The following KRT75 variants were observed in gnomAD, a reference collection of about 807,000 sequenced individuals.
KRT75 encodes keratin, type II cytoskeletal 75.
KRT75 carries 35 observed loss-of-function variants against 48.8 expected under a neutral mutation model. That is an observed-to-expected ratio of 0.72 (90% confidence interval 0.55 to 0.95). The LOEUF (loss-of-function observed/expected upper bound fraction) is 0.95. KRT75 is among the 40% of genes least tolerant of loss of function. The probability of loss-of-function intolerance (pLI) is 0.00; values close to 1 mark genes in which losing one functional copy is unlikely to be tolerated. For missense variants in KRT75, 776 were observed against 709.9 expected (o/e 1.09, Z -1.06); for synonymous variants, 301 against 282.3 (o/e 1.07, Z -0.66).
intron 8 of KRT75, among the ~76,000 whole-genome samples, chr12:52,425,596 A>T (rs922179841): frequency 2.6e-5 from 4 of 152,216 alleles, no homozygotes; most frequent in African/African-American, 9.6e-5. Context: ...GAGTGGAGGG[A>T]TGCAGCCACA....
intron 2 of KRT75, 92 bp from the exon 3 acceptor site, chr12:52,432,158 AT>A: frequency 7.9e-7 from 1 of 1,263,256 alleles, no homozygotes; most frequent in Non-Finnish European, 1.2e-6. Flanking sequence ...CCCTCAAATC[AT>A]TTCCAGCTCT....
chr12:52,428,353 G>C lies in KRT75; in HGVS notation c.1285C>G (p.Arg429Gly). The part of the protein sequence containing the change: ...ALQKAKQDMA[R>G]LLREYQELMN... Reference sequence around the variant, plus strand: ...AGCTCCTGGTACTCACGCAGGAGCCGAGCCATGTCCTGCTTGGCCTTCTGC... The same window carrying C: ...AGCTCCTGGTACTCACGCAGGAGCCCAGCCATGTCCTGCTTGGCCTTCTGC... The change falls in exon 7 of 9, where the codon CGG (arginine) becomes GGG (glycine). Residue 429 changes from arginine to glycine, a missense_variant. Arg to Gly is a moderately radical substitution (Grantham distance 125, BLOSUM62 -2). Transcript: ENST00000252245. 6.2e-7 allele frequency: 1 copy of C among 1,614,138 alleles called. No individual in the cohort carries two copies. The highest frequency in any genetic ancestry group is 1.1e-5 in the South Asian group (1 of 91,078).
chr12:52,434,342 G>A lies in KRT75; in HGVS notation c.-38C>T. 6.4e-7 allele frequency: 1 copy of A among 1,568,744 alleles called. No homozygotes were observed. Among genetic ancestry groups the A allele is most frequent in the African/African-American group, 1.3e-5 (1 of 74,304 alleles). ...AGGCCGGCGAGAAGGCACCTGAGGTGGGCTGGTACAGGCAGTGGAGAAGAC... is the reference window on the plus strand; with the variant it reads ...AGGCCGGCGAGAAGGCACCTGAGGTAGGCTGGTACAGGCAGTGGAGAAGAC... On this transcript the variant is annotated 5_prime_UTR_variant, in exon 1 of 9. Coordinates refer to ENST00000252245, the MANE Select transcript of KRT75 (RefSeq NM_004693.3).
chr12:52,433,273 T>C, intron 1 of KRT75, 21 bp from the exon 2 acceptor site: 1 of 1,603,280 alleles, frequency 6.2e-7, no homozygotes, highest in Non-Finnish European at 8.5e-7. Flanking sequence ...GAAGAGAGAA[T>C]GAAACCTTGA....
chr12:52,431,906 T>C (rs540561866), intron 3 of KRT75, 100 bp downstream of exon 3: 2 of 1,095,768 alleles, frequency 1.8e-6, no homozygotes, highest in East Asian at 2.4e-5. Flanking sequence ...TCAAGGTTGA[T>C]GTGACATTTC....
Position 52,428,269 on chromosome 12 carries a change from C to G in KRT75, c.1369G>C (p.Gly457Arg). ...CATCTGCCTCACCTGCACTCCTCGC[C>G]TTCCAGCAGCTTGCGGTAGGTGGCG... ...EIATYRKLLE[G>R]EECRLSGEGV... Residue 457 changes from glycine (G) to arginine (R), a missense_variant, in exon 7 of 9, where the codon GGC (glycine) becomes CGC (arginine). Coordinates refer to ENST00000252245, the MANE Select transcript of KRT75 (RefSeq NM_004693.3). 6.2e-7 allele frequency: 1 copy of G among 1,614,074 alleles called. No individual in the cohort carries two copies. The highest frequency in any genetic ancestry group is 8.5e-7 in the Non-Finnish European group (1 of 1,180,044).
At chr12:52,427,842 T>C (rs999970445) in intron 7 of KRT75, among the ~76,000 whole-genome samples, 2 of 152,154 alleles carry the variant, frequency 1.3e-5, no homozygotes, top group African/African-American at 4.8e-5. Context: ...ACCTTTTCAT[T>C]TTATCATTGA....
At chr12:52,425,442 A>G (rs1940065232) in intron 8 of KRT75, among the ~76,000 whole-genome samples, 1 of 152,200 alleles carries the variant, frequency 6.6e-6, no homozygotes, top group South Asian at 2.1e-4. Context: ...TGGAAATGGG[A>G]TCGTTGCAGG....
chr12:52,432,182 G>T, intron 2 of KRT75, 116 bp from the exon 3 acceptor site: 1 of 971,024 alleles, frequency 1.0e-6, no homozygotes. Flanking sequence ...TGCTGACCTG[G>T]GCATGACTTT....
chr12:52,428,052 A>G (rs747060014), intron 7 of KRT75: 7 of 670,292 alleles, frequency 1.0e-5, no homozygotes, highest in Admixed American at 7.4e-5. Context: ...TTAGGTTTCT[A>G]TGGGGATGCT....
chr12:52,431,912 A>G lies in KRT75; in HGVS notation c.774+94T>C. Reference sequence around the variant, plus strand: ...CAGATATTCTCAAGGTTGATGTGACATTTCTTGGGTGGCCCAAGGGTCAGA... The same window carrying G: ...CAGATATTCTCAAGGTTGATGTGACGTTTCTTGGGTGGCCCAAGGGTCAGA... On this transcript the variant is annotated intron_variant, in intron 3 of 8. Transcript: ENST00000252245. The G allele has an allele frequency of 4.2e-6, 5 of 1,203,286 alleles. No individual in the cohort carries two copies. The South Asian group carries it at 6.1e-5, about 15-fold the overall frequency. The allele number at this position is 1,203,286 out of a possible 1,614,324, so 74.5% of individuals were successfully genotyped here.
At position 52,431,524 on chromosome 12, in the gene KRT75, A is replaced by T; in HGVS notation, c.870+19T>A. The T allele has an allele frequency of 6.5e-7, 1 of 1,544,064 alleles. No individual in the cohort carries two copies. Among genetic ancestry groups the T allele is most frequent in the Non-Finnish European group, 9.0e-7 (1 of 1,116,024 alleles). On this transcript the variant is annotated intron_variant, in intron 4 of 8. Transcript: ENST00000252245. Reference sequence around the variant, plus strand: ...AGGCTCCAGACCTAGGAGAGACAGAAATACTTGCAGACTCTTACTGCATCA... The same window carrying T: ...AGGCTCCAGACCTAGGAGAGACAGATATACTTGCAGACTCTTACTGCATCA...
chr12:52,424,877 G>A, intron 8 of KRT75, 122 bp from the exon 9 acceptor site: 1 of 795,402 alleles, frequency 1.3e-6, no homozygotes, highest in Non-Finnish European at 2.2e-6. Context: ...CCAGCAGTTT[G>A]CCTCCTTCCA....
In KRT75 at chr12:52,430,848, A is replaced by T. The variant is rs956168996; in HGVS notation, c.871-143T>A. On this transcript the variant is annotated intron_variant, in intron 4 of 8. Transcript: ENST00000252245. ...AGCTATTCCCTAGGTATTCCCATTC[A>T]TCCCAAAAGATCAGTGTGGTGAAAA... 12 of 922,044 alleles carry T rather than the reference A, an allele frequency of 1.3e-5. No individual in the cohort carries two copies. The Admixed American group carries it at 2.3e-4, about 18-fold the overall frequency. The allele number at this position is 922,044 out of a possible 1,614,324, so 57.1% of individuals were successfully genotyped here. A position where few individuals can be genotyped will look rare whatever the true frequency, so the allele number is the denominator to read the frequency against.
chr12:52,434,224 A>C lies in KRT75; in HGVS notation c.81T>G (p.Ala27=). ...FSTTSAITPA[A]GRSRFSSVSV... The stretch of plus-strand genomic sequence containing the variant: ...AGACAGAGCTGAAGCGGGAGCGGCC[A>C]GCTGCCGGGGTGATGGCCGAGGTGG... The change falls in exon 1 of 9, where the codon GCT becomes GCG. Residue 27 remains alanine, a synonymous_variant. Coordinates refer to ENST00000252245, the MANE Select transcript of KRT75 (RefSeq NM_004693.3). 1 of 1,595,180 alleles carries C rather than the reference A, an allele frequency of 6.3e-7. No homozygotes were observed.
chr12:52,433,342 T>C, intron 1 of KRT75, 90 bp from the exon 2 acceptor site: 1 of 1,152,104 alleles, frequency 8.7e-7, no homozygotes, highest in Non-Finnish European at 1.3e-6. Flanking sequence ...AAAAAGATAT[T>C]TTTTTCACTT....
In KRT75 at chr12:52,431,610, A is replaced by T; in HGVS notation, c.803T>A (p.Val268Glu). 6.2e-7 allele frequency: 1 copy of T among 1,613,986 alleles called. No individual in the cohort carries two copies. The highest frequency in any genetic ancestry group is 8.5e-7 in the Non-Finnish European group (1 of 1,179,852). Residue 268 changes from valine to glutamate, a missense_variant, in exon 4 of 9, where the codon GTG becomes GAG. By Grantham distance (121) the Val-to-Glu change is moderately radical (BLOSUM62 -2). Coordinates refer to ENST00000252245, the MANE Select transcript of KRT75 (RefSeq NM_004693.3). ...KDVDAAYMNK[V>E]ELEAKVKSLP... ...AGATTTGACCTTGGCTTCCAGCTCCACCTTGTTCATATAGGCAGCATCTAC... is the reference window on the plus strand; with the variant it reads ...AGATTTGACCTTGGCTTCCAGCTCCTCCTTGTTCATATAGGCAGCATCTAC...
chr12:52,428,451 G>A lies in KRT75; in HGVS notation c.1187C>T (p.Ala396Val). 6.2e-7 allele frequency: 1 copy of A among 1,613,988 alleles called. No individual in the cohort carries two copies. Among genetic ancestry groups the A allele is most frequent in the East Asian group, 2.2e-5 (1 of 44,854 alleles). ...CAGTTCTCCCCGCTGCTCTGCATCAGCAATGGCCGTTTGCAAGCTGGAACA... is the reference window on the plus strand; with the variant it reads ...CAGTTCTCCCCGCTGCTCTGCATCAACAATGGCCGTTTGCAAGCTGGAACA... The part of the protein sequence containing the change: ...KQCSSLQTAI[A>V]DAEQRGELAL... Residue 396 changes from alanine to valine, a missense_variant, in exon 7 of 9, where the codon GCT becomes GTT. Ala to Val is a moderately conservative substitution (Grantham distance 64). Transcript: ENST00000252245.
In KRT75 at chr12:52,428,641, C is replaced by A; in HGVS notation, c.1138G>T (p.Glu380Ter). ...MNRMIQRLRA[E>*]IDSVKKQCSS... Reference sequence around the variant, plus strand: ...ACCTGCTTCTTGACGCTGTCAATCTCAGCTCTCAGCCTCTGGATCATGCGG... The same window carrying A: ...ACCTGCTTCTTGACGCTGTCAATCTAAGCTCTCAGCCTCTGGATCATGCGG... The change falls in exon 6 of 9, where the codon GAG becomes TAG. Residue 380 changes from glutamate to a stop codon, truncating the protein, a stop_gained. Transcript: ENST00000252245. LOFTEE classifies it high-confidence loss of function. 1 of 1,614,232 alleles carries A rather than the reference C, an allele frequency of 6.2e-7. No individual in the cohort carries two copies. The highest frequency in any genetic ancestry group is 8.5e-7 in the Non-Finnish European group (1 of 1,180,042).
Sources: allele counts gnomAD v4.1 joint callset (sites outside exome capture counted in the v4.1 genomes callset), GRCh38; gene constraint gnomAD v4.1.1; transcripts MANE v1.5; gene names NCBI Gene and HGNC (gene_info 2026-07-23, HGNC 2026-07-21).